Variants in SP6 observed in about 807,000 individuals in gnomAD.
SP6 encodes Sp6 transcription factor, also known as transcription factor Sp6.
SP6 carries 10 observed loss-of-function variants against 23.4 expected under a neutral mutation model. The ratio of observed to expected loss-of-function variants is 0.43; its 90% CI spans 0.26 to 0.72. The LOEUF (loss-of-function observed/expected upper bound fraction) is 0.72, where lower values mean the gene tolerates loss of function less well. Among genes scored for constraint, SP6 ranks in the 30% least tolerant of loss-of-function variants. The pLI, the probability that SP6 is intolerant of heterozygous loss-of-function variation, is 0.23. For synonymous variants in SP6, 238 were observed against 238.7 expected, an observed-to-expected ratio of 1.00 and a Z score of 0.03; for missense variants, 482 against 523.8, an observed-to-expected ratio of 0.92 and a Z score of 0.78.
the SP6 span, among the ~76,000 whole-genome samples, chr17:47,871,508 TTAAGA>T: frequency 3.9e-5 from 6 of 152,248 alleles, no homozygotes; most frequent in Non-Finnish European, 8.8e-5. Context: ...TCGTCTCCAC[TTAAGA>T]TAAGTGAAAA....
upstream of SP6, chr17:47,851,264 A>AG (rs57097124): frequency 1 from 152,309 of 152,312 alleles, 76,153 homozygotes; most frequent in Middle Eastern, 1. Context: ...GCTGGACCGG[A>AG]GCCCAGCCAG....
the SP6 span, among the ~76,000 whole-genome samples, chr17:47,862,633 C>T: frequency 6.6e-6 from 1 of 152,146 alleles, no homozygotes; most frequent in African/African-American, 2.4e-5. Flanking sequence ...AAAGAGACAG[C>T]AGTGAAGCTA....
the SP6 span, among the ~76,000 whole-genome samples, chr17:47,875,713 T>C: frequency 7.2e-5 from 11 of 152,354 alleles, 1 homozygote; most frequent in African/African-American, 2.6e-4. Context: ...AGTGCATTCC[T>C]TGCTTGTGCA....
upstream of SP6, among the ~76,000 whole-genome samples, chr17:47,858,767 C>CTTTTTTTTTTTTTTTTTTTTTT (rs36092685): frequency 1.1e-4 from 10 of 92,648 alleles, 5 homozygotes; most frequent in Non-Finnish European, 2.0e-4. Context: ...GATGAAGCAT[C>CTTTTTTTTTTTTTTTTTTTTTT]TTTTTTTTTT....
chr17:47,861,248 G>A, the SP6 span, among the ~76,000 whole-genome samples: 6 of 152,180 alleles, frequency 3.9e-5, no homozygotes, highest in Non-Finnish European at 8.8e-5. Flanking sequence ...AGCTCTGGGG[G>A]TGGCAGAGGC....
the SP6 span, among the ~76,000 whole-genome samples, chr17:47,862,079 C>G: frequency 6.7e-6 from 1 of 150,278 alleles, no homozygotes; most frequent in Non-Finnish European, 1.5e-5. Context: ...ATGGTGGTGG[C>G]TCATGCCTGT....
upstream of SP6, among the ~76,000 whole-genome samples, chr17:47,852,154 C>A (rs2033963580): frequency 6.6e-6 from 1 of 152,194 alleles, no homozygotes; most frequent in Non-Finnish European, 1.5e-5. Context: ...ACCAGAATAA[C>A]TAAACCCAAG....
upstream of SP6, among the ~76,000 whole-genome samples, chr17:47,852,221 T>G (rs2033964363): frequency 2.0e-5 from 3 of 152,144 alleles, no homozygotes; most frequent in South Asian, 6.2e-4. Context: ...ACATGCCCAG[T>G]GCAATATTCT....
chr17:47,863,684 T>C, the SP6 span, among the ~76,000 whole-genome samples: 1 of 149,568 alleles, frequency 6.7e-6, no homozygotes, highest in East Asian at 2.0e-4. Flanking sequence ...TTCTCTTGCC[T>C]CAGCCTCCCA....
At position 47,848,135 on chromosome 17, in the gene SP6, C is replaced by G; in HGVS notation, c.295G>C (p.Asp99His). 2 of 1,613,570 alleles carry G rather than the reference C, an allele frequency of 1.2e-6. No homozygotes were observed. The highest frequency in any genetic ancestry group is 2.2e-5 in the South Asian group (2 of 91,090). ...PGPFSKLLQPDMSHHYESWFR... is the reference protein window; with the variant it reads ...PGPFSKLLQPHMSHHYESWFR... The stretch of plus-strand genomic sequence containing the variant: ...CACGATTCATAATGGTGTGACATGT[C>G]CGGCTGCAGGAGCTTGGAAAAGGGG... The change falls in exon 2 of 2, where the codon GAC (aspartate) becomes CAC (histidine). Residue 99 changes from aspartate (D) to histidine (H), a missense_variant. By Grantham distance (81) the Asp-to-His change is moderately conservative (BLOSUM62 -1). This residue lies in a region of SP6 where 330 missense variants were observed against 332.3 expected (regional missense o/e 0.99). Coordinates refer to ENST00000536300, the MANE Select transcript of SP6 (RefSeq NM_001258248.2). The surrounding 1 kb of genome is among the most constrained non-coding windows in gnomAD (Gnocchi z 5.3).
upstream of SP6, among the ~76,000 whole-genome samples, chr17:47,852,773 G>A (rs2033970734): frequency 6.6e-6 from 1 of 152,146 alleles, no homozygotes; most frequent in Non-Finnish European, 1.5e-5. Flanking sequence ...GGATTCATCT[G>A]TGCATCTCCC....
At chr17:47,856,190 G>A (rs1847130267), upstream of SP6, among the ~76,000 whole-genome samples, 1 of 152,188 alleles carries the variant, frequency 6.6e-6, no homozygotes, top group Non-Finnish European at 1.5e-5. Flanking sequence ...AGAGCTTCAT[G>A]TCAGTGTTGT....
At chr17:47,861,257 G>C in the SP6 span, among the ~76,000 whole-genome samples, 5 of 152,172 alleles carry the variant, frequency 3.3e-5, no homozygotes, top group Non-Finnish European at 1.5e-5. Context: ...GGTGGCAGAG[G>C]CTGCCCCTCT....
chr17:47,868,737 G>A, the SP6 span, among the ~76,000 whole-genome samples: 1 of 152,198 alleles, frequency 6.6e-6, no homozygotes, highest in South Asian at 2.1e-4. Flanking sequence ...TAATTGGCAG[G>A]TGCTGAGGCT....
chr17:47,865,924 T>C, the SP6 span, among the ~76,000 whole-genome samples: 1 of 152,080 alleles, frequency 6.6e-6, no homozygotes, highest in Non-Finnish European at 1.5e-5. Context: ...AATTTTTCTC[T>C]CCCCACCCCA....
rs753179446 is a variant in SP6, at chr17:47,847,875, C to A, written c.555G>T (p.Pro185=). ...PAAGGQHLLG[P]PDGAKALEVA... ...CTTCCAAGGCCTTAGCCCCGTCGGGCGGCCCTAGGAGATGCTGCCCTCCGG... is the reference window on the plus strand; with the variant it reads ...CTTCCAAGGCCTTAGCCCCGTCGGGAGGCCCTAGGAGATGCTGCCCTCCGG... The change falls in exon 2 of 2, where the codon CCG becomes CCT. Residue 185 remains proline, a synonymous_variant. Transcript: ENST00000536300. 3.2e-6 allele frequency: 5 copies of A among 1,540,520 alleles called. No homozygotes were observed. The highest frequency in any genetic ancestry group is 3.5e-6 in the Non-Finnish European group (4 of 1,143,608).
chr17:47,870,329 A>C, the SP6 span, among the ~76,000 whole-genome samples: 1 of 151,862 alleles, frequency 6.6e-6, no homozygotes, highest in Non-Finnish European at 1.5e-5. Flanking sequence ...TGTCCCTTTC[A>C]TCTCCCTCCT....
the SP6 span, among the ~76,000 whole-genome samples, chr17:47,861,756 C>T: frequency 6.6e-6 from 1 of 151,824 alleles, no homozygotes; most frequent in African/African-American, 2.4e-5. Context: ...AAAAACAAAA[C>T]CTGAGGCAGC....
chr17:47,850,335 G>T (rs2033941029), intron 1 of SP6, among the ~76,000 whole-genome samples: 1 of 152,150 alleles, frequency 6.6e-6, no homozygotes, highest in African/African-American at 2.4e-5. Context: ...GTGGAAAACT[G>T]CCCTGGAGCT....
Sources: gnomAD v4.1 joint callset for allele counts (sites outside exome capture counted in the v4.1 genomes callset) on GRCh38, gnomAD v4.1.1 for gene constraint, gnomAD v4.1.1 regional missense constraint, Gnocchi (gnomAD v3.1) non-coding constraint, MANE v1.5 for transcripts, NCBI Gene and HGNC (gene_info 2026-07-23, HGNC 2026-07-21) for gene names.